Variants in GAK observed in about 807,000 individuals in gnomAD.
GAK encodes the protein cyclin G associated kinase.
In GAK, 79 loss-of-function variants were observed where a neutral mutation model predicts 143.9. That is an observed-to-expected ratio of 0.55 (90% CI 0.46 to 0.66). GAK has a LOEUF of 0.66. GAK is among the 30% of genes least tolerant of loss of function. GAK has a pLI of 0.00. For missense variants in GAK, 1,693 were observed against 1,779.7 expected, an observed-to-expected ratio of 0.95 and a Z score of 0.88; for synonymous variants, 881 against 765.5, an observed-to-expected ratio of 1.15 and a Z score of -2.49.
At chr4:915,051 GCC>G in intron 1 of GAK, among the ~76,000 whole-genome samples, 3 of 71,616 alleles carry the variant, frequency 4.2e-5, no homozygotes, top group Non-Finnish European at 7.7e-5. Flanking sequence ...AGCGCACACG[GCC>G]AACACACACA....
At chr4:858,499 C>T (rs1246026302) in intron 24 of GAK, among the ~76,000 whole-genome samples, 2 of 152,214 alleles carry the variant, frequency 1.3e-5, no homozygotes, top group East Asian at 1.9e-4. Flanking sequence ...GCACGGCCCT[C>T]GCAACCCCAC....
chr4:905,416 G>C (rs183739159), intron 4 of GAK, among the ~76,000 whole-genome samples: 1 of 151,572 alleles, frequency 6.6e-6, no homozygotes, highest in African/African-American at 2.4e-5. Context: ...CCTGGCCCCA[G>C]GCCACGCTAC....
In GAK at chr4:881,885, TCCC is replaced by T. The variant is rs752479948; in HGVS notation, c.1661+19_1661+21del. On this transcript the variant is annotated intron_variant, in intron 15 of 27. Transcript: ENST00000314167. ...CACGGGCCCACAGAGCTGTCCCCTGTCCCCGGAGGGCCACGCAGTACCTTTTGT... is the reference window on the plus strand; with the variant it reads ...CACGGGCCCACAGAGCTGTCCCCTGTCGGAGGGCCACGCAGTACCTTTTGT... 3 of 1,558,662 alleles carry T rather than the reference TCCC, an allele frequency of 1.9e-6. No homozygotes were observed. In the East Asian group the frequency reaches 7.1e-5, roughly 37 times the overall value.
chr4:930,255 T>C (rs1370161586), intron 1 of GAK, among the ~76,000 whole-genome samples: 1 of 152,226 alleles, frequency 6.6e-6, no homozygotes, highest in Non-Finnish European at 1.5e-5. Flanking sequence ...CTTAGGAGGC[T>C]GCAGGCCACC....
intron 1 of GAK, among the ~76,000 whole-genome samples, chr4:924,288 A>G (rs1478896869): frequency 2.6e-5 from 4 of 152,224 alleles, no homozygotes; most frequent in Admixed American, 2.0e-4. Flanking sequence ...AATCAAAATG[A>G]GAGACCACAA....
chr4:884,927 C>A (rs180795912), intron 11 of GAK, among the ~76,000 whole-genome samples: 103 of 152,212 alleles, frequency 6.8e-4, no homozygotes, highest in African/African-American at 2.2e-3. Context: ...CAAATACACA[C>A]GACCGAACCA....
intron 22 of GAK, 135 bp from the exon 23 acceptor site, chr4:865,379 G>C (rs57393314): frequency 3.6e-4 from 390 of 1,082,936 alleles, no homozygotes; most frequent in Non-Finnish European, 4.9e-4. Context: ...CTGGGCTGAC[G>C]GCCTCTCTCT....
At chr4:885,965 G>A (rs76033377) in intron 11 of GAK, 4,236 of 152,228 alleles carry the variant, frequency 0.028, 93 homozygotes, top group Non-Finnish European at 0.039. Context: ...GGGTCTTGCT[G>A]TGTTGTTGTG....
chr4:914,114 G>A (rs1213488288), intron 1 of GAK: 2 of 115,102 alleles, frequency 1.7e-5, no homozygotes, highest in Non-Finnish European at 2.8e-5. Context: ...CAGCCCCAGC[G>A]TGCACGGCCC....
At chr4:866,769 C>T (rs1017851008) in intron 21 of GAK, among the ~76,000 whole-genome samples, 187 bp downstream of exon 21, 1 of 152,190 alleles carries the variant, frequency 6.6e-6, no homozygotes, top group Non-Finnish European at 1.5e-5. Flanking sequence ...CAGTAGCTCC[C>T]GGCCCGTGAG....
In GAK at chr4:870,787, G is replaced by C; in HGVS notation, c.2172C>G (p.Asn724Lys). The C allele has an allele frequency of 6.2e-7, 1 of 1,614,130 alleles. No individual in the cohort carries two copies. The highest frequency in any genetic ancestry group is 8.5e-7 in the Non-Finnish European group (1 of 1,180,010). ...TGGGGTTCAGCCCCCTCATGCTCGA[G>C]TTCTCCCATGGTGGGGCTTCCCGGC... Reference protein sequence around the residue: ...RPSREAPPWENSSMRGLNPKI... With the variant: ...RPSREAPPWEKSSMRGLNPKI... Residue 724 changes from asparagine to lysine, a missense_variant, in exon 19 of 28, where the codon AAC (asparagine) becomes AAG (lysine). Physicochemically the swap from Asn to Lys is moderately conservative, Grantham distance 94 (BLOSUM62 0). Transcript: ENST00000314167.
At chr4:885,535 G>A (rs1290976968) in intron 11 of GAK, among the ~76,000 whole-genome samples, 2 of 152,214 alleles carry the variant, frequency 1.3e-5, no homozygotes, top group Admixed American at 1.3e-4. Context: ...GGGCCCCATG[G>A]ACCTGGCTGT....
chr4:893,614 A>C, intron 8 of GAK, 125 bp from the exon 9 acceptor site: 1 of 741,436 alleles, frequency 1.3e-6, no homozygotes, highest in Non-Finnish European at 2.1e-6. Flanking sequence ...CGTCAGAAGC[A>C]AGAAGGGAGC....
Position 888,911 on chromosome 4 carries a change from C to T in GAK, c.1141G>A (p.Gly381Arg). 6.2e-7 allele frequency: 1 copy of T among 1,612,564 alleles called. No individual in the cohort carries two copies. The highest frequency in any genetic ancestry group is 8.5e-7 in the Non-Finnish European group (1 of 1,179,660). Residue 381 changes from glycine to arginine, a missense_variant, in exon 11 of 28, where the codon GGG becomes AGG. Transcript: ENST00000314167. ...AGGTTGGTGAAGAGCCGCTCTGTCC[C>T]ACCCCGCAGAATGTCCAGGAAGCCG... is the stretch of plus-strand genomic sequence containing the variant. Reference protein sequence around the residue: ...YGGFLDILRGGTERLFTNLKD... With the variant: ...YGGFLDILRGRTERLFTNLKD...
At chr4:917,246 G>C (rs993908373) in intron 1 of GAK, among the ~76,000 whole-genome samples, 1 of 152,108 alleles carries the variant, frequency 6.6e-6, no homozygotes, top group Non-Finnish European at 1.5e-5. Context: ...CAAAAAAAGA[G>C]AGTACATACA....
chr4:873,586 C>T (rs1023454684), intron 18 of GAK, among the ~76,000 whole-genome samples: 7 of 152,288 alleles, frequency 4.6e-5, no homozygotes, highest in Admixed American at 1.3e-4. Flanking sequence ...TCAACTTCAC[C>T]CCTCCTTCTG....
chr4:924,614 G>A (rs1478183730), intron 1 of GAK, among the ~76,000 whole-genome samples: 7 of 142,532 alleles, frequency 4.9e-5, no homozygotes, highest in Non-Finnish European at 4.6e-5. Context: ...TTGGATCTGC[G>A]TCCCCATGCA....
chr4:893,372 C>G lies in GAK; in HGVS notation c.990+5G>C, dbSNP rs1309113620. 1 of 1,556,464 alleles carries G rather than the reference C, an allele frequency of 6.4e-7. No individual in the cohort carries two copies. ...GGATTTGGGGCTCACGTGTGCCTCC[C>G]TCACCTCTGTGATGGGAGACTTGGG... On this transcript the variant is annotated splice_donor_5th_base_variant and intron_variant, in intron 9 of 27. Coordinates refer to ENST00000314167, the MANE Select transcript of GAK (RefSeq NM_005255.4).
At chr4:854,267 C>T (rs1371450889) in intron 24 of GAK, among the ~76,000 whole-genome samples, 3 of 152,132 alleles carry the variant, frequency 2.0e-5, no homozygotes, top group Non-Finnish European at 4.4e-5. Flanking sequence ...CCTGCGCTCT[C>T]GCCCATTTTC....
Sources: allele counts gnomAD v4.1 joint callset (sites outside exome capture counted in the v4.1 genomes callset), GRCh38; gene constraint gnomAD v4.1.1; transcripts MANE v1.5; gene names NCBI Gene and HGNC (gene_info 2026-07-23, HGNC 2026-07-21).